The following PSORS1C1 variants were observed in gnomAD, a reference collection of about 807,000 sequenced individuals.
PSORS1C1 encodes psoriasis susceptibility 1 candidate 1, also known as psoriasis susceptibility 1 candidate gene 1 protein.
In PSORS1C1, 7 loss-of-function variants were observed where a neutral mutation model predicts 9.4. The ratio of observed to expected loss-of-function variants is 0.75; its 90% CI spans 0.42 to 1.40. The LOEUF is 1.40. PSORS1C1 is among the 40% of genes most tolerant of loss of function. The pLI, the probability that PSORS1C1 is intolerant of heterozygous loss-of-function variation, is 0.01. For missense variants in PSORS1C1, 146 were observed against 178.1 expected (o/e 0.82, Z 1.02); for synonymous variants, 63 against 69.4 (o/e 0.91, Z 0.46).
At chr6:31,120,962 C>T (rs2150961991) in intron 1 of PSORS1C1, among the ~76,000 whole-genome samples, 1 of 151,218 alleles carries the variant, frequency 6.6e-6, no homozygotes, top group African/African-American at 2.4e-5. Context: ...ATCACTCCAC[C>T]TCCACTTTCC....
intron 1 of PSORS1C1, chr6:31,116,037 G>C: frequency 6.2e-7 from 1 of 1,611,388 alleles, no homozygotes; most frequent in Non-Finnish European, 8.5e-7. Flanking sequence ...ATGGACTGTT[G>C]AGTAACTCTC....
chr6:31,127,153 G>A (rs746070201), intron 2 of PSORS1C1, among the ~76,000 whole-genome samples: 7 of 152,178 alleles, frequency 4.6e-5, no homozygotes, highest in Non-Finnish European at 7.3e-5. Context: ...CAGTCTGAAC[G>A]TGCTCTCGGG....
intron 3 of PSORS1C1, among the ~76,000 whole-genome samples, chr6:31,134,693 T>G (rs1281933536): frequency 6.6e-6 from 1 of 152,228 alleles, no homozygotes; most frequent in Non-Finnish European, 1.5e-5. Flanking sequence ...TCAGTTTCTT[T>G]TAACCCCTCT....
chr6:31,119,016 G>A (rs912536216), intron 1 of PSORS1C1, among the ~76,000 whole-genome samples: 1 of 151,488 alleles, frequency 6.6e-6, no homozygotes, highest in African/African-American at 2.4e-5. Flanking sequence ...CTAATTTTTT[G>A]TATTTTTAGT....
chr6:31,116,606 G>T, intron 1 of PSORS1C1: 1 of 1,613,406 alleles, frequency 6.2e-7, no homozygotes, highest in Non-Finnish European at 8.5e-7. Context: ...GCAAAGGAAG[G>T]GACCCCTGGA....
Position 31,128,305 on chromosome 6 carries a change from T to G in PSORS1C1, c.-64-1264T>G, listed in dbSNP as rs1772770185. Among the ~76,000 whole-genome samples the G allele has an allele frequency of 6.6e-6, 1 of 152,164 alleles. No individual in the cohort carries two copies. The highest frequency in any genetic ancestry group is 1.5e-5 in the Non-Finnish European group (1 of 68,032). The stretch of plus-strand genomic sequence containing the variant: ...CTAGGCTGCCCTCTGGTGGCAGTTC[T>G]TGGAACAAGACCTGAGAGCCGCTAC... On this transcript the variant is annotated intron_variant, in intron 2 of 5. Coordinates refer to ENST00000259881, the MANE Select transcript of PSORS1C1 (RefSeq NM_014068.3). The surrounding 1 kb of genome is among the most constrained non-coding windows in gnomAD (Gnocchi z 4.3).
At position 31,132,862 on chromosome 6, in the gene PSORS1C1, AG is replaced by A. The variant is rs1772979459; in HGVS notation, c.13+3218del. Among the ~76,000 whole-genome samples, 8 of 150,826 alleles carry A rather than the reference AG, an allele frequency of 5.3e-5. No individual in the cohort carries two copies. The South Asian group carries it at 1.5e-3, about 28-fold the overall frequency. ...AGACCCTGTCTTAAAAAAAAAAAAA[AG>A]TAATGAGGGTGGGGAGGAGTGGAAA... On this transcript the variant is annotated intron_variant, in intron 3 of 5. Coordinates refer to ENST00000259881, the MANE Select transcript of PSORS1C1 (RefSeq NM_014068.3).
rs144822064 is a variant in PSORS1C1, at chr6:31,126,485, G to A, written c.-65+646G>A. Among the ~76,000 whole-genome samples the A allele has an allele frequency of 5.8e-3, 884 of 152,214 alleles. 6 individuals are homozygous for A. The highest frequency in any genetic ancestry group is 9.7e-3 in the African/African-American group (404 of 41,502). ...CTTCCTGAGATTATTCCTGGTGTGG[G>A]CGGTGCTCGGCTCTACCTTTCCTTC... On this transcript the variant is annotated intron_variant, in intron 2 of 5. Transcript: ENST00000259881.
rs1062470 is a variant in PSORS1C1, at chr6:31,116,658, G to A, written c.-229+1767G>A. Reference sequence around the variant, plus strand: ...TCTCTTTGGTGAAGTAGCCCACAGGGTAGATTTTACCCTTACTGTAGGTCA... The same window carrying A: ...TCTCTTTGGTGAAGTAGCCCACAGGATAGATTTTACCCTTACTGTAGGTCA... On this transcript the variant is annotated intron_variant, in intron 1 of 5. Coordinates refer to ENST00000259881, the MANE Select transcript of PSORS1C1 (RefSeq NM_014068.3). The A allele has an allele frequency of 0.34, 545,089 of 1,612,366 alleles. 95,991 individuals carry two copies. The highest frequency in any genetic ancestry group is 0.57 in the African/African-American group (42,721 of 74,930).
At chr6:31,123,110 G>C (rs1772535723) in intron 1 of PSORS1C1, among the ~76,000 whole-genome samples, 1 of 152,206 alleles carries the variant, frequency 6.6e-6, no homozygotes, top group Non-Finnish European at 1.5e-5. Context: ...AGCCAGGCTG[G>C]AGGAGGCACA....
intron 1 of PSORS1C1, chr6:31,117,894 T>C (rs935983894): frequency 3.3e-6 from 1 of 301,898 alleles, no homozygotes; most frequent in Admixed American, 4.7e-5. Context: ...CGCCCCAGAG[T>C]TCAAGACCAG....
At position 31,139,513 on chromosome 6, in the gene PSORS1C1, C is replaced by A; in HGVS notation, c.168-128C>A. The A allele has an allele frequency of 2.4e-6, 2 of 839,736 alleles. No individual in the cohort carries two copies. Among genetic ancestry groups the A allele is most frequent in the East Asian group, 2.7e-5 (1 of 37,398 alleles). 52.0% of individuals were successfully genotyped at this position (839,736 alleles called of 1,614,324 possible). A position where few individuals can be genotyped will look rare whatever the true frequency, so the allele number is the denominator to read the frequency against. On this transcript the variant is annotated intron_variant, in intron 5 of 5. Coordinates refer to ENST00000259881, the MANE Select transcript of PSORS1C1 (RefSeq NM_014068.3). This position sits in a 1 kb window ranked among gnomAD's most constrained non-coding sequence, Gnocchi z 5.2. ...ACCTGGGATGCAGCTGGGACAGTGTCAGCTACTACCCCAGCCTCCCCACTC... is the reference window on the plus strand; with the variant it reads ...ACCTGGGATGCAGCTGGGACAGTGTAAGCTACTACCCCAGCCTCCCCACTC...
At chr6:31,120,909 G>A (rs1240334887) in intron 1 of PSORS1C1, among the ~76,000 whole-genome samples, 3 of 99,226 alleles carry the variant, frequency 3.0e-5, no homozygotes, top group African/African-American at 3.9e-5. Context: ...ACCCCAATGA[G>A]GTCCCATTCA....
intron 2 of PSORS1C1, among the ~76,000 whole-genome samples, chr6:31,127,610 C>T (rs1042695294): frequency 1.1e-5 from 1 of 89,826 alleles, no homozygotes; most frequent in South Asian, 2.8e-4. Flanking sequence ...GAGTTTCGCT[C>T]GTAGCCCAGC....
At chr6:31,129,469 G>A (rs917157068) in intron 2 of PSORS1C1, 100 bp from the exon 3 acceptor site, 5 of 667,752 alleles carry the variant, frequency 7.5e-6, no homozygotes, top group East Asian at 2.6e-5. Flanking sequence ...AAGACAGCCT[G>A]TTTGAGTGCC....
At position 31,116,850 on chromosome 6, in the gene PSORS1C1, C is replaced by T. The variant is rs150163828; in HGVS notation, c.-229+1959C>T. On this transcript the variant is annotated intron_variant, in intron 1 of 5. Coordinates refer to ENST00000259881, the MANE Select transcript of PSORS1C1 (RefSeq NM_014068.3). ...CACCAGAACCGTGCTGGTCCACCAC[C>T]ACCACCACAGGCCTCTGACCCCCTG... The T allele has an allele frequency of 4.8e-4, 771 of 1,613,980 alleles. No individual in the cohort carries two copies. Among genetic ancestry groups the T allele is most frequent in the Non-Finnish European group, 5.9e-4 (701 of 1,179,976 alleles).
chr6:31,116,095 T>C, intron 1 of PSORS1C1: 1 of 1,612,038 alleles, frequency 6.2e-7, no homozygotes, highest in Non-Finnish European at 8.5e-7. Context: ...CCCCAGAGGC[T>C]TCACTTGGGC....
chr6:31,135,587 T>C (rs1773104780), intron 3 of PSORS1C1, among the ~76,000 whole-genome samples: 1 of 152,218 alleles, frequency 6.6e-6, no homozygotes, highest in Non-Finnish European at 1.5e-5. Context: ...ACTCTAAGTG[T>C]AGCAAATTGA....
rs3130464 is a variant in PSORS1C1 at position 31,139,468 on chromosome 6, A to G, written c.168-173A>G. ...GTTGGGAGGCAGGATGCCTGCGCTG[A>G]GGGAGGAGGTGCTTTTCAAACCTGG... On this transcript the variant is annotated intron_variant, in intron 5 of 5. Transcript: ENST00000259881. This position sits in a 1 kb window ranked among gnomAD's most constrained non-coding sequence, Gnocchi z 5.2. 0.71 allele frequency: 445,900 copies of G among 625,012 alleles called. 159,603 individuals are homozygous for G. The highest frequency in any genetic ancestry group is 0.77 in the Middle Eastern group (1,798 of 2,324). The allele number at this position is 625,012 out of a possible 1,614,324, so 38.7% of individuals were successfully genotyped here.
Sources: gnomAD v4.1 joint callset for allele counts (sites outside exome capture counted in the v4.1 genomes callset) on GRCh38, gnomAD v4.1.1 for gene constraint, Gnocchi (gnomAD v3.1) non-coding constraint, MANE v1.5 for transcripts, NCBI Gene and HGNC (gene_info 2026-07-23, HGNC 2026-07-21) for gene names.